The following PCGF2 variants were observed in gnomAD, a reference collection of about 807,000 sequenced individuals.
PCGF2 encodes the protein polycomb group ring finger 2, also known as polycomb group RING finger protein 2.
PCGF2 carries 8 observed loss-of-function variants against 36.1 expected under a neutral mutation model. That is an observed-to-expected ratio of 0.22 (90% confidence interval 0.13 to 0.40). The LOEUF (loss-of-function observed/expected upper bound fraction) is 0.40. Ranked by LOEUF, PCGF2 falls within the 10% of genes least tolerant of loss-of-function variation. The pLI is 1.00. For synonymous variants in PCGF2, 198 were observed against 191.2 expected (o/e 1.04, Z -0.29); for missense variants, 436 against 475.9 (o/e 0.92, Z 0.78).
chr17:38,749,177 AG>A (rs1907758554), upstream of PCGF2, among the ~76,000 whole-genome samples: 1 of 152,224 alleles, frequency 6.6e-6, no homozygotes. The surrounding 1 kb of genome is among the most constrained non-coding windows in gnomAD (Gnocchi z 6.5). Context: ...ACACTGGACT[AG>A]GAAACGAGGC....
intron 9 of PCGF2, among the ~76,000 whole-genome samples, chr17:38,737,564 A>G (rs559516529): frequency 6.6e-6 from 1 of 152,326 alleles, no homozygotes; most frequent in East Asian, 1.9e-4. Context: ...ACAGTTTAGG[A>G]TCCACTGTCC....
chr17:38,744,195 T>G (rs1271553479), intron 2 of PCGF2, among the ~76,000 whole-genome samples: 1 of 152,220 alleles, frequency 6.6e-6, no homozygotes, highest in African/African-American at 2.4e-5. Context: ...TTCTGGGCCC[T>G]GAGGCCCTGG....
rs1041550045 is a variant in PCGF2 at position 38,738,463 on chromosome 17, G to T, written c.481-15C>A. 1.9e-6 allele frequency: 3 copies of T among 1,613,620 alleles called. No homozygotes were observed. The highest frequency in any genetic ancestry group is 1.7e-5 in the Admixed American group (1 of 60,000). Reference sequence around the variant, plus strand: ...CGCACCCCTGTCTGCTGGGGCACAGGCACCCATGGTAGGGGATCCACCCCA... The same window carrying T: ...CGCACCCCTGTCTGCTGGGGCACAGTCACCCATGGTAGGGGATCCACCCCA... On this transcript the variant is annotated splice_polypyrimidine_tract_variant and intron_variant, in intron 8 of 10. Coordinates refer to ENST00000620225, the MANE Select transcript of PCGF2 (RefSeq NM_007144.3).
chr17:38,749,293 G>A (rs1223668204), upstream of PCGF2: 34 of 205,958 alleles, frequency 1.7e-4, no homozygotes, highest in Non-Finnish European at 1.0e-5. The surrounding 1 kb of genome is among the most constrained non-coding windows in gnomAD (Gnocchi z 6.5). Flanking sequence ...CTCCCTGGGC[G>A]CGCGGGCGGG....
At chr17:38,738,488 A>C in intron 8 of PCGF2, 40 bp from the exon 9 acceptor site, 1 of 1,612,860 alleles carries the variant, frequency 6.2e-7, no homozygotes, top group South Asian at 1.1e-5. Context: ...GATCCACCCC[A>C]GGCCACTCCC....
rs1272141273 is a variant in PCGF2 at position 38,740,361 on chromosome 17, G to A, written c.42C>T (p.Pro14=). 1 of 1,610,574 alleles carries A rather than the reference G, an allele frequency of 6.2e-7. No individual in the cohort carries two copies. The highest frequency in any genetic ancestry group is 1.7e-5 in the Admixed American group (1 of 59,950). ...CCCCGCAGAGGGCACACATGAGGTG[G>A]GGGTTCAGCTCTGTGATTTTGATCC... ...TTRIKITELN[P]HLMCALCGGY... is the part of the protein sequence containing the mutation. Residue 14 remains proline, a synonymous_variant, in exon 3 of 11, where the codon CCC becomes CCT. Transcript: ENST00000620225.
Position 38,739,325 on chromosome 17 carries a change from GC to G in PCGF2, c.210-73del. ...GCTCCGACCTCGCCCTGCTCTCCCAGCCAGGGTACCCCTCTTCCCACCCCCT... is the reference window on the plus strand; with the variant it reads ...GCTCCGACCTCGCCCTGCTCTCCCAGCAGGGTACCCCTCTTCCCACCCCCT... On this transcript the variant is annotated intron_variant, in intron 4 of 10. Transcript: ENST00000620225. The surrounding 1 kb of genome is among the most constrained non-coding windows in gnomAD (Gnocchi z 4.0). 1 of 1,376,150 alleles carries G rather than the reference GC, an allele frequency of 7.3e-7. No homozygotes were observed. Among genetic ancestry groups the G allele is most frequent in the Non-Finnish European group, 1.0e-6 (1 of 966,756 alleles). The allele number at this position is 1,376,150 out of a possible 1,614,324, so 85.2% of individuals were successfully genotyped here.
chr17:38,737,191 GGT>G (rs1293722387), intron 9 of PCGF2, among the ~76,000 whole-genome samples: 2 of 152,058 alleles, frequency 1.3e-5, no homozygotes, highest in African/African-American at 4.8e-5. Flanking sequence ...GGCTAGGTGC[GGT>G]GGCTCACACC....
intron 2 of PCGF2, among the ~76,000 whole-genome samples, chr17:38,747,209 G>A (rs1281464762): frequency 6.6e-6 from 1 of 152,104 alleles, no homozygotes; most frequent in Non-Finnish European, 1.5e-5. Flanking sequence ...GGGAGGGCGA[G>A]GGGCAGCCCG....
chr17:38,745,280 C>T (rs968605790), intron 2 of PCGF2, among the ~76,000 whole-genome samples: 8 of 151,906 alleles, frequency 5.3e-5, no homozygotes, highest in Admixed American at 1.3e-4. Context: ...TGCAGTGAGC[C>T]GAGATTGCGC....
At chr17:38,736,382 C>T (rs1308731897) in intron 9 of PCGF2, among the ~76,000 whole-genome samples, 1 of 152,196 alleles carries the variant, frequency 6.6e-6, no homozygotes, top group Admixed American at 6.5e-5. Flanking sequence ...GAGAAGTTTC[C>T]CCTATTGTTA....
chr17:38,746,289 G>A (rs750083291), intron 2 of PCGF2, among the ~76,000 whole-genome samples: 33 of 149,758 alleles, frequency 2.2e-4, no homozygotes, highest in Non-Finnish European at 3.6e-4. Context: ...CTACACACAA[G>A]GCCAGATAGA....
chr17:38,736,069 C>A, intron 10 of PCGF2, 21 bp downstream of exon 10: 1 of 1,535,448 alleles, frequency 6.5e-7, no homozygotes. Flanking sequence ...TGCTCCCTGC[C>A]CGCCCCACTC....
intron 2 of PCGF2, among the ~76,000 whole-genome samples, chr17:38,746,925 A>C (rs572022937): frequency 6.6e-6 from 1 of 152,044 alleles, no homozygotes; most frequent in African/African-American, 2.4e-5. Flanking sequence ...GGGAGGGAGG[A>C]GAGAAATTAA....
In PCGF2 at chr17:38,736,014, G is replaced by C. The variant is rs57484274; in HGVS notation, c.657+76C>G. On this transcript the variant is annotated intron_variant, in intron 10 of 10. Coordinates refer to ENST00000620225, the MANE Select transcript of PCGF2 (RefSeq NM_007144.3). ...GACAGACTGTCTCTGATTACAGAAG[G>C]GTGGCCCATGTGGCCACAGACCTAT... The C allele has an allele frequency of 5.9e-5, 55 of 939,938 alleles. 1 individual carries two copies. In the East Asian group the frequency reaches 1.4e-3, roughly 25 times the overall value. The allele number at this position is 939,938 out of a possible 1,614,324, so 58.2% of individuals were successfully genotyped here.
intron 2 of PCGF2, 123 bp downstream of exon 2, chr17:38,747,756 C>T (rs1907631997): frequency 6.6e-6 from 1 of 152,456 alleles, no homozygotes; most frequent in Admixed American, 6.5e-5. Flanking sequence ...GACCCCCGCC[C>T]AGATGGAAAA....
In PCGF2 at chr17:38,735,388, A is replaced by G. The variant is rs774589549; in HGVS notation, c.870T>C (p.His290=). The change falls in exon 11 of 11, where the codon CAT becomes CAC. Residue 290 remains histidine (H), a synonymous_variant. Coordinates refer to ENST00000620225, the MANE Select transcript of PCGF2 (RefSeq NM_007144.3). Reference sequence around the variant, plus strand: ...AGGTAGGGTGGGTGGCTGGAGGCCCATGGGAACTGGGAGAGCCATGGGATG... The same window carrying G: ...AGGTAGGGTGGGTGGCTGGAGGCCCGTGGGAACTGGGAGAGCCATGGGATG... ...ATPSHGSPSS[H]GPPATHPTSP... is the part of the protein sequence containing the mutation. 1.3e-6 allele frequency: 2 copies of G among 1,568,298 alleles called. No individual in the cohort carries two copies. The highest frequency in any genetic ancestry group is 1.7e-6 in the Non-Finnish European group (2 of 1,155,746).
intron 2 of PCGF2, among the ~76,000 whole-genome samples, chr17:38,742,164 TCAAAC>T (rs1282255021): frequency 6.6e-6 from 1 of 152,094 alleles, no homozygotes; most frequent in Non-Finnish European, 1.5e-5. Flanking sequence ...GGTAAAGAAA[TCAAAC>T]CAAACCTGCA....
At chr17:38,735,697 A>G in intron 10 of PCGF2, 97 bp from the exon 11 acceptor site, 1 of 1,426,620 alleles carries the variant, frequency 7.0e-7, no homozygotes, top group Non-Finnish European at 9.2e-7. Flanking sequence ...ACAGTGTCCA[A>G]ACTCGAAAAA....
Sources: allele counts gnomAD v4.1 joint callset (sites outside exome capture counted in the v4.1 genomes callset), GRCh38; gene constraint gnomAD v4.1.1; non-coding constraint Gnocchi (gnomAD v3.1); transcripts MANE v1.5; gene names NCBI Gene and HGNC (gene_info 2026-07-23, HGNC 2026-07-21).